NAA35: variants seen among roughly 807,000 people sequenced by gnomAD.
NAA35 encodes the protein MAK10 homolog, amino-acid N-acetyltransferase subunit.
In NAA35, 18 loss-of-function variants were observed where a neutral mutation model predicts 101.7. The observed-to-expected ratio is 0.18, with a 90% CI of 0.12 to 0.26. The LOEUF (loss-of-function observed/expected upper bound fraction) is 0.26. Ranked by LOEUF, NAA35 falls within the 10% of genes least tolerant of loss-of-function variation. NAA35 has a pLI of 1.00. For synonymous variants in NAA35, 267 were observed against 273.1 expected (o/e 0.98, Z 0.22); for missense variants, 601 against 886.8 (o/e 0.68, Z 4.09).
intron 18 of NAA35, 73 bp downstream of exon 18, chr9:86,016,748 C>T: frequency 6.8e-7 from 1 of 1,469,814 alleles, no homozygotes; most frequent in Non-Finnish European, 9.2e-7. Flanking sequence ...TGGAGAGCTA[C>T]TCGTGAGTTG....
chr9:85,951,848 C>T (rs1444550316), intron 2 of NAA35, among the ~76,000 whole-genome samples: 2 of 152,186 alleles, frequency 1.3e-5, no homozygotes, highest in East Asian at 3.9e-4. Context: ...TTAGTAGAGA[C>T]GGGGTTTCGC....
chr9:86,001,234 C>T (rs117609818), intron 12 of NAA35, among the ~76,000 whole-genome samples: 44 of 152,110 alleles, frequency 2.9e-4, no homozygotes, highest in East Asian at 9.6e-4. Context: ...ATTTTTATTA[C>T]GCTGTGGTCC....
intron 15 of NAA35, among the ~76,000 whole-genome samples, chr9:86,011,820 A>T (rs1335283713): frequency 6.9e-6 from 1 of 145,112 alleles, no homozygotes; most frequent in African/African-American, 2.5e-5. Flanking sequence ...GTACATCACA[A>T]ACACTCAGGT....
At chr9:85,953,239 T>TTTA (rs1829098829) in intron 2 of NAA35, among the ~76,000 whole-genome samples, 2 of 150,844 alleles carry the variant, frequency 1.3e-5, no homozygotes, top group South Asian at 2.1e-4. Flanking sequence ...TTTTTTTTTT[T>TTTA]ACCGGCTTAA....
chr9:86,024,996 G>A lies in NAA35; in HGVS notation c.*3036G>A, dbSNP rs767929893. Among the ~76,000 whole-genome samples the A allele has an allele frequency of 7.2e-5, 11 of 152,198 alleles. No individual in the cohort carries two copies. Among genetic ancestry groups the A allele is most frequent in the Non-Finnish European group, 1.2e-4 (8 of 68,038 alleles). On this transcript the variant is annotated 3_prime_UTR_variant, in exon 23 of 23. Coordinates refer to ENST00000361671, the MANE Select transcript of NAA35 (RefSeq NM_024635.4). Reference sequence around the variant, plus strand: ...GGCCACTGAGGTGGTGGGACAGGCTGCAGGGAAGAATACCTCAAAATCATA... The same window carrying A: ...GGCCACTGAGGTGGTGGGACAGGCTACAGGGAAGAATACCTCAAAATCATA...
Position 85,986,298 on chromosome 9 carries a change from A to T in NAA35, c.877+7917A>T, listed in dbSNP as rs1056734292. ...TTAAATCATAGTGGTGCTAATGCTGACTTATTTACTTGATCATAGTGGTGC... is the reference window on the plus strand; with the variant it reads ...TTAAATCATAGTGGTGCTAATGCTGTCTTATTTACTTGATCATAGTGGTGC... On this transcript the variant is annotated intron_variant, in intron 11 of 22. Transcript: ENST00000361671. Among the ~76,000 whole-genome samples, 7 of 152,242 alleles carry T rather than the reference A, an allele frequency of 4.6e-5. 1 individual carries two copies. Among genetic ancestry groups the T allele is most frequent in the African/African-American group, 1.2e-4 (5 of 41,470 alleles).
At chr9:85,948,143 G>GT (rs1241232953) in intron 2 of NAA35, among the ~76,000 whole-genome samples, 1 of 152,104 alleles carries the variant, frequency 6.6e-6, no homozygotes, top group African/African-American at 2.4e-5. Flanking sequence ...AGTTTAGGCT[G>GT]TATCTGTGGA....
intron 5 of NAA35, among the ~76,000 whole-genome samples, chr9:85,960,371 G>A (rs192866135): frequency 2.9e-4 from 44 of 151,496 alleles, no homozygotes; most frequent in African/African-American, 7.0e-4. Context: ...CTTCCCCCCC[G>A]CCCCACTTTC....
chr9:85,977,496 G>C (rs377738255), intron 10 of NAA35, 50 bp downstream of exon 10: 4 of 1,310,538 alleles, frequency 3.1e-6, no homozygotes, highest in Non-Finnish European at 4.4e-6. Context: ...ATTTTGGCTG[G>C]AATTCCTGAG....
intron 14 of NAA35, among the ~76,000 whole-genome samples, chr9:86,008,566 T>C (rs1391159286): frequency 6.6e-6 from 1 of 152,214 alleles, no homozygotes; most frequent in East Asian, 1.9e-4. Flanking sequence ...ATGGAAATGT[T>C]GTGACCAGAG....
At chr9:85,989,764 A>G (rs373671225) in intron 11 of NAA35, among the ~76,000 whole-genome samples, 5 of 152,340 alleles carry the variant, frequency 3.3e-5, no homozygotes, top group African/African-American at 9.6e-5. Context: ...AATTGGTTTT[A>G]CTAAATATAA....
chr9:86,008,717 T>A (rs1359283987), intron 14 of NAA35, among the ~76,000 whole-genome samples: 1 of 152,246 alleles, frequency 6.6e-6, no homozygotes, highest in Non-Finnish European at 1.5e-5. Flanking sequence ...TGTGGTAGTC[T>A]AGTTGTTCCA....
chr9:86,024,500 A>G lies in NAA35; in HGVS notation c.*2540A>G, dbSNP rs534176781. Among the ~76,000 whole-genome samples, 27 of 152,270 alleles carry G rather than the reference A, an allele frequency of 1.8e-4. No individual in the cohort carries two copies. The East Asian group carries it at 5.0e-3, about 28-fold the overall frequency. On this transcript the variant is annotated 3_prime_UTR_variant, in exon 23 of 23. Coordinates refer to ENST00000361671, the MANE Select transcript of NAA35 (RefSeq NM_024635.4). ...AAATCTGCTTGCCTGAGAATGGTTG[A>G]AAAGGGAGGCAGGGAAGCCAGTCAC... is the stretch of plus-strand genomic sequence containing the variant.
intron 2 of NAA35, among the ~76,000 whole-genome samples, chr9:85,949,193 A>G (rs1288194840): frequency 6.6e-6 from 1 of 151,064 alleles, no homozygotes; most frequent in Non-Finnish European, 1.5e-5. Flanking sequence ...ACTTTTTCCT[A>G]TACTCTCCTT....
At chr9:85,962,490 C>CAAAAAAAAAAAAAAAAAAAAAA (rs781302881) in intron 6 of NAA35, among the ~76,000 whole-genome samples, 1 of 85,928 alleles carries the variant, frequency 1.2e-5, no homozygotes, top group Non-Finnish European at 2.1e-5. Context: ...GACTCTGTCT[C>CAAAAAAAAAAAAAAAAAAAAAA]AAAAAAAAAA....
At chr9:85,984,079 G>T (rs1261420037) in intron 11 of NAA35, among the ~76,000 whole-genome samples, 1 of 150,142 alleles carries the variant, frequency 6.7e-6, no homozygotes, top group Non-Finnish European at 1.5e-5. Context: ...TAATCCCAGT[G>T]CACTTTGGGA....
chr9:85,948,114 T>C (rs1325769776), intron 2 of NAA35, among the ~76,000 whole-genome samples: 1 of 152,182 alleles, frequency 6.6e-6, no homozygotes, highest in East Asian at 1.9e-4. Flanking sequence ...TATACTACTT[T>C]TTGATTCCCT....
At chr9:85,975,227 A>G in intron 8 of NAA35, 70 bp downstream of exon 8, 1 of 1,481,440 alleles carries the variant, frequency 6.8e-7, no homozygotes, top group Non-Finnish European at 9.2e-7. Context: ...TTACCTAATT[A>G]AAAATGTGTA....
rs991828515 is a variant in NAA35 at position 85,996,315 on chromosome 9, C to T, written c.878-84C>T. The T allele has an allele frequency of 1.7e-5, 15 of 894,320 alleles. No individual in the cohort carries two copies. In the African/African-American group the frequency reaches 2.3e-4, roughly 13 times the overall value. 55.4% of individuals were successfully genotyped at this position (894,320 alleles called of 1,614,324 possible). The stretch of plus-strand genomic sequence containing the variant: ...AATTTGTTTGGAAAAGCTTTTTAAA[C>T]TGGCATTTTTATATTTAATAACATT... On this transcript the variant is annotated intron_variant, in intron 11 of 22. Coordinates refer to ENST00000361671, the MANE Select transcript of NAA35 (RefSeq NM_024635.4).
Sources: gnomAD v4.1 joint callset for allele counts (sites outside exome capture counted in the v4.1 genomes callset) on GRCh38, gnomAD v4.1.1 for gene constraint, MANE v1.5 for transcripts, NCBI Gene and HGNC (gene_info 2026-07-23, HGNC 2026-07-21) for gene names.